CDH20: variants seen among roughly 807,000 people sequenced by gnomAD.
The protein encoded by CDH20 is cadherin-20.
Under a neutral mutation model 74.2 loss-of-function variants are expected in CDH20, and 29 were observed. The ratio of observed to expected loss-of-function variants is 0.39; its 90% confidence interval spans 0.29 to 0.53. The LOEUF is 0.53. Among genes scored for constraint, CDH20 ranks in the 20% least tolerant of loss-of-function variants. The pLI is 0.69. For missense variants in CDH20, 988 were observed against 1,048.3 expected, an observed-to-expected ratio of 0.94 and a Z score of 0.79; for synonymous variants, 469 against 405.4, an observed-to-expected ratio of 1.16 and a Z score of -1.88.
At chr18:61,382,496 C>A (rs1339408121) in intron 1 of CDH20, among the ~76,000 whole-genome samples, 1 of 152,174 alleles carries the variant, frequency 6.6e-6, no homozygotes, top group Non-Finnish European at 1.5e-5. Flanking sequence ...ATAGTCCCCA[C>A]TTTGGGAGCT....
chr18:61,456,656 AAAAC>A (rs1220777921), intron 1 of CDH20, among the ~76,000 whole-genome samples: 1 of 152,172 alleles, frequency 6.6e-6, no homozygotes, highest in East Asian at 1.9e-4. Flanking sequence ...TCTTAAAAAA[AAAAC>A]AAAAAACACA....
chr18:61,367,549 T>C (rs1187375592), intron 1 of CDH20, among the ~76,000 whole-genome samples: 2 of 152,160 alleles, frequency 1.3e-5, no homozygotes, highest in Non-Finnish European at 2.9e-5. Flanking sequence ...TTCCTTGACT[T>C]TCCCAATCTC....
At chr18:61,485,758 G>C (rs1310506981) in intron 1 of CDH20, among the ~76,000 whole-genome samples, 1 of 152,066 alleles carries the variant, frequency 6.6e-6, no homozygotes, top group Non-Finnish European at 1.5e-5. Flanking sequence ...CCCAGTCAAG[G>C]TTCTCTCTCG....
intron 1 of CDH20, among the ~76,000 whole-genome samples, chr18:61,392,412 G>C (rs1911821019): frequency 6.6e-6 from 1 of 152,146 alleles, no homozygotes; most frequent in African/African-American, 2.4e-5. Flanking sequence ...ATACAGGCTG[G>C]CTGTAAAGGA....
chr18:61,472,225 T>C (rs1196276538), intron 1 of CDH20, among the ~76,000 whole-genome samples: 1 of 152,084 alleles, frequency 6.6e-6, no homozygotes. Context: ...ATGCCTTTTG[T>C]TCCCACTCCC....
chr18:61,544,618 G>A (rs1168357752), intron 9 of CDH20, among the ~76,000 whole-genome samples: 4 of 152,146 alleles, frequency 2.6e-5, no homozygotes, highest in Non-Finnish European at 5.9e-5. Flanking sequence ...ACTTCCCTTG[G>A]CATCCGCATC....
chr18:61,396,861 GT>G (rs1388011028), intron 1 of CDH20, among the ~76,000 whole-genome samples: 2 of 152,212 alleles, frequency 1.3e-5, no homozygotes, highest in Non-Finnish European at 2.9e-5. Context: ...AGCCTTCATA[GT>G]AGTAAGACAT....
chr18:61,536,420 C>T, intron 7 of CDH20, 73 bp from the exon 8 acceptor site: 2 of 1,210,542 alleles, frequency 1.7e-6, no homozygotes, highest in East Asian at 2.3e-5. Context: ...GGTAGGCACT[C>T]AGTTGTCTCA....
chr18:61,341,262 G>C (rs952264185), intron 1 of CDH20, among the ~76,000 whole-genome samples: 1 of 152,188 alleles, frequency 6.6e-6, no homozygotes, highest in African/African-American at 2.4e-5. Flanking sequence ...GTCCGTTTCT[G>C]GTGAGGGCCT....
chr18:61,360,906 C>T (rs1024371204), intron 1 of CDH20, among the ~76,000 whole-genome samples: 6 of 152,180 alleles, frequency 3.9e-5, no homozygotes, highest in African/African-American at 1.4e-4. Context: ...AGTTTCAGTT[C>T]GCAGACATCA....
chr18:61,357,579 G>A (rs1255536000), intron 1 of CDH20, among the ~76,000 whole-genome samples: 4 of 152,136 alleles, frequency 2.6e-5, no homozygotes, highest in African/African-American at 9.7e-5. Context: ...CTATATTCCA[G>A]GCAGGAAGAG....
At chr18:61,357,980 T>C (rs565213000) in intron 1 of CDH20, among the ~76,000 whole-genome samples, 1 of 152,304 alleles carries the variant, frequency 6.6e-6, no homozygotes, top group East Asian at 1.9e-4. Context: ...AACTGCTGCA[T>C]GGTTCATGTC....
intron 2 of CDH20, among the ~76,000 whole-genome samples, chr18:61,491,557 C>T (rs924927347): frequency 1.3e-5 from 2 of 152,170 alleles, no homozygotes; most frequent in East Asian, 3.9e-4. Flanking sequence ...CAAAGCCCAG[C>T]CCTGCCAATT....
At chr18:61,527,334 A>T (rs202025312) in intron 6 of CDH20, among the ~76,000 whole-genome samples, 1 of 260 alleles carries the variant, frequency 3.8e-3, no homozygotes, top group African/African-American at 4.3e-3. Context: ...AGGAAAAAAA[A>T]AAAGCCTAGG....
At chr18:61,443,225 GGCCAGCAAACA>G (rs1407379909) in intron 1 of CDH20, among the ~76,000 whole-genome samples, 9 of 152,022 alleles carry the variant, frequency 5.9e-5, no homozygotes, top group African/African-American at 2.2e-4. Flanking sequence ...TGCCTCTAAG[GGCCAGCAAACA>G]GCATAAATGA....
chr18:61,349,321 C>T (rs1483248911), intron 1 of CDH20, among the ~76,000 whole-genome samples: 1 of 152,150 alleles, frequency 6.6e-6, no homozygotes, highest in African/African-American at 2.4e-5. Flanking sequence ...AAACAGAAGA[C>T]TTTCATGAAC....
At chr18:61,481,714 A>G (rs1009668552) in intron 1 of CDH20, among the ~76,000 whole-genome samples, 3 of 152,078 alleles carry the variant, frequency 2.0e-5, no homozygotes, top group Non-Finnish European at 2.9e-5. Flanking sequence ...ATTTTTTTAC[A>G]TATATATTTT....
At chr18:61,378,599 A>G (rs576047319) in intron 1 of CDH20, among the ~76,000 whole-genome samples, 1 of 152,294 alleles carries the variant, frequency 6.6e-6, no homozygotes, top group Admixed American at 6.5e-5. Flanking sequence ...TCATCCAGAA[A>G]CACCCTCATG....
intron 6 of CDH20, among the ~76,000 whole-genome samples, chr18:61,514,572 C>T (rs1260210525): frequency 1.4e-4 from 21 of 151,658 alleles, no homozygotes; most frequent in South Asian, 2.1e-4. Flanking sequence ...GGAGGAGAGG[C>T]GCTCTGCTTT....
Sources: gnomAD v4.1 joint callset for allele counts (sites outside exome capture counted in the v4.1 genomes callset) on GRCh38, gnomAD v4.1.1 for gene constraint, MANE v1.5 for transcripts, NCBI Gene and HGNC (gene_info 2026-07-23, HGNC 2026-07-21) for gene names.